DGKI: variants seen among roughly 807,000 people sequenced by gnomAD.
DGKI encodes DAG kinase iota.
DGKI carries 55 observed loss-of-function variants against 147.5 expected under a neutral mutation model. The observed-to-expected ratio is 0.37, with a 90% CI of 0.30 to 0.47. The LOEUF (loss-of-function observed/expected upper bound fraction) is 0.47, where lower values mean the gene tolerates loss of function less well. DGKI is among the 20% of genes least tolerant of loss of function. DGKI has a pLI of 1.00. For missense variants in DGKI, 1,007 were observed against 1,323.8 expected (o/e 0.76, Z 3.71); for synonymous variants, 469 against 477.1 (o/e 0.98, Z 0.22).
At chr7:137,532,269 C>T (rs549504805) in intron 20 of DGKI, among the ~76,000 whole-genome samples, 1 of 152,162 alleles carries the variant, frequency 6.6e-6, no homozygotes, top group Admixed American at 6.5e-5. Context: ...AGGAAACAGG[C>T]TCAGTCAAGG....
chr7:137,783,895 A>G (rs1796592461), intron 1 of DGKI, among the ~76,000 whole-genome samples: 1 of 152,246 alleles, frequency 6.6e-6, no homozygotes, highest in African/African-American at 2.4e-5. Flanking sequence ...TAAATGAGGG[A>G]TAGATACAGT....
intron 2 of DGKI, among the ~76,000 whole-genome samples, chr7:137,683,366 GTGTT>G (rs3083597): frequency 5.0e-4 from 75 of 149,444 alleles, no homozygotes; most frequent in Admixed American, 6.7e-4. Flanking sequence ...CTTTTTGTTT[GTGTT>G]TGTTTGTTTG....
At chr7:137,718,785 G>A (rs1047334352) in intron 1 of DGKI, among the ~76,000 whole-genome samples, 2 of 152,164 alleles carry the variant, frequency 1.3e-5, no homozygotes, top group African/African-American at 4.8e-5. Context: ...CAAGGCCCAG[G>A]TGACTCCTTA....
rs529896513 is a variant in DGKI at position 137,728,881 on chromosome 7, G to A, written c.402-38879C>T. 2.0e-5 allele frequency among the ~76,000 whole-genome samples: 3 copies of A among 152,170 alleles called. No individual in the cohort carries two copies. In the South Asian group the frequency reaches 6.2e-4, roughly 32 times the overall value. ...ACACTTATCTACTATGATTGATTTT[G>A]AGCTCTAATTTTAGGAAGAATAATC... On this transcript the variant is annotated intron_variant, in intron 1 of 32. Coordinates refer to ENST00000614521, the MANE Select transcript of DGKI (RefSeq NM_001321708.2).
chr7:137,676,741 G>C (rs1296067442), intron 3 of DGKI, among the ~76,000 whole-genome samples: 1 of 152,114 alleles, frequency 6.6e-6, no homozygotes, highest in Non-Finnish European at 1.5e-5. Context: ...TATTCTCCTT[G>C]TTGCTTTTCC....
chr7:137,561,071 TG>T (rs1382159889), intron 19 of DGKI, among the ~76,000 whole-genome samples: 1 of 152,114 alleles, frequency 6.6e-6, no homozygotes, highest in East Asian at 1.9e-4. Flanking sequence ...ATTGCACTAC[TG>T]GGCATTTATC....
chr7:137,584,292 G>A (rs1265185851), intron 14 of DGKI, among the ~76,000 whole-genome samples: 1 of 152,080 alleles, frequency 6.6e-6, no homozygotes, highest in Non-Finnish European at 1.5e-5. Flanking sequence ...TACACATACA[G>A]AGTTTAAAAA....
intron 1 of DGKI, among the ~76,000 whole-genome samples, chr7:137,734,339 T>A (rs1260819488): frequency 6.6e-6 from 1 of 152,122 alleles, no homozygotes; most frequent in Non-Finnish European, 1.5e-5. Flanking sequence ...TCTCAATTGC[T>A]GCATTAGAAA....
At chr7:137,543,097 A>G (rs1817755765) in intron 20 of DGKI, among the ~76,000 whole-genome samples, 1 of 152,218 alleles carries the variant, frequency 6.6e-6, no homozygotes, top group Non-Finnish European at 1.5e-5. Context: ...AGTTCTAGAA[A>G]GACACATTTT....
chr7:137,757,429 G>T (rs2116787610), intron 1 of DGKI, among the ~76,000 whole-genome samples: 1 of 152,022 alleles, frequency 6.6e-6, no homozygotes, highest in East Asian at 1.9e-4. Flanking sequence ...TTAACCGTTG[G>T]TGTCAGCTGG....
chr7:137,473,971 G>A (rs1184530912), intron 23 of DGKI, among the ~76,000 whole-genome samples: 1 of 152,148 alleles, frequency 6.6e-6, no homozygotes, highest in African/African-American at 2.4e-5. Flanking sequence ...TGTTAGAAAA[G>A]CAAAAGTAGA....
At chr7:137,582,388 T>C (rs191924483) in intron 14 of DGKI, among the ~76,000 whole-genome samples, 1 of 151,936 alleles carries the variant, frequency 6.6e-6, no homozygotes, top group East Asian at 1.9e-4. Context: ...AAAATGAATA[T>C]TTAACTTGTT....
intron 10 of DGKI, among the ~76,000 whole-genome samples, chr7:137,604,543 G>A (rs1195952582): frequency 1.3e-5 from 2 of 152,088 alleles, no homozygotes; most frequent in Admixed American, 1.3e-4. Flanking sequence ...CCACAGACTG[G>A]ACACCTCTTC....
At chr7:137,592,372 A>G (rs1398546954) in intron 12 of DGKI, among the ~76,000 whole-genome samples, 1 of 152,194 alleles carries the variant, frequency 6.6e-6, no homozygotes, top group Non-Finnish European at 1.5e-5. Context: ...CTTCCTTCCT[A>G]GGAAAAGCAG....
rs555014373 is a variant in DGKI at position 137,818,590 on chromosome 7, C to A, written c.401+27872G>T. 3.7e-4 allele frequency among the ~76,000 whole-genome samples: 57 copies of A among 152,136 alleles called. 1 individual carries two copies. The South Asian group carries it at 0.012, about 32-fold the overall frequency. ...CCAAGTAGCTGGGATTATAGGCATG[C>A]GCCACCATGCCCGGCTAATTTTTTG... On this transcript the variant is annotated intron_variant, in intron 1 of 32. Coordinates refer to ENST00000614521, the MANE Select transcript of DGKI (RefSeq NM_001321708.2).
chr7:137,512,853 T>G (rs777555003), intron 21 of DGKI, among the ~76,000 whole-genome samples: 3 of 152,158 alleles, frequency 2.0e-5, no homozygotes, highest in African/African-American at 2.4e-5. Context: ...AAGTTTATAT[T>G]AATAATAAGA....
At chr7:137,498,503 A>G (rs1428921888) in intron 21 of DGKI, among the ~76,000 whole-genome samples, 1 of 152,142 alleles carries the variant, frequency 6.6e-6, no homozygotes, top group Non-Finnish European at 1.5e-5. Context: ...ATTGAAGAGT[A>G]CTGGGGACAA....
intron 20 of DGKI, among the ~76,000 whole-genome samples, chr7:137,524,679 C>A (rs2128954108): frequency 6.6e-6 from 1 of 152,192 alleles, no homozygotes; most frequent in Non-Finnish European, 1.5e-5. Flanking sequence ...GAAGCTGGAA[C>A]CATAGAATGT....
chr7:137,398,118 A>G (rs183457787), intron 30 of DGKI, among the ~76,000 whole-genome samples: 55 of 152,222 alleles, frequency 3.6e-4, no homozygotes, highest in Admixed American at 1.0e-3. Flanking sequence ...TTTTTTCCCC[A>G]TAAAGCCCTT....
Sources: allele counts gnomAD v4.1 joint callset (sites outside exome capture counted in the v4.1 genomes callset), GRCh38; gene constraint gnomAD v4.1.1; transcripts MANE v1.5; gene names NCBI Gene and HGNC (gene_info 2026-07-23, HGNC 2026-07-21).